CPPED1: variants seen among roughly 807,000 people sequenced by gnomAD.
CPPED1 encodes calcineurin like phosphoesterase domain containing 1.
In CPPED1, 28 loss-of-function variants were observed where a neutral mutation model predicts 28.0. The observed-to-expected ratio is 1.00, with a 90% CI of 0.74 to 1.37. The LOEUF (loss-of-function observed/expected upper bound fraction) is 1.37, where lower values mean the gene tolerates loss of function less well. Among genes scored for constraint, CPPED1 ranks in the 40% most tolerant of loss-of-function variants. The pLI, the probability that CPPED1 is intolerant of heterozygous loss-of-function variation, is 0.00. For missense variants in CPPED1, 504 were observed against 416.5 expected (o/e 1.21, Z -1.83); for synonymous variants, 198 against 180.2 (o/e 1.10, Z -0.79).
intron 2 of CPPED1, among the ~76,000 whole-genome samples, chr16:12,737,883 G>A (rs1208099950): frequency 6.6e-6 from 1 of 152,174 alleles, no homozygotes; most frequent in Non-Finnish European, 1.5e-5. Context: ...TGTGTCAGGG[G>A]ACCCCTGCCT....
Position 12,754,787 on chromosome 16 carries a change from C to T in CPPED1, c.289+26398G>A, listed in dbSNP as rs992609372. 3.9e-5 allele frequency among the ~76,000 whole-genome samples: 6 copies of T among 152,076 alleles called. 1 individual carries two copies. The South Asian group carries it at 8.3e-4, about 21-fold the overall frequency. On this transcript the variant is annotated intron_variant, in intron 2 of 3. Transcript: ENST00000381774. ...GCCAAGGCGGGAGGATCACCTGAAA[C>T]CAGGAGTTCGAGACCAGCCTGGGCG...
chr16:12,737,491 G>C (rs1385718845), intron 2 of CPPED1, among the ~76,000 whole-genome samples: 1 of 152,208 alleles, frequency 6.6e-6, no homozygotes, highest in African/African-American at 2.4e-5. Flanking sequence ...TCCCATGCAG[G>C]GACCTGTCTG....
At chr16:12,689,245 G>C (rs62030661) in intron 3 of CPPED1, among the ~76,000 whole-genome samples, 1 of 75,700 alleles carries the variant, frequency 1.3e-5, no homozygotes, top group Non-Finnish European at 2.4e-5. Flanking sequence ...TTTTTTTAAA[G>C]ACACAGGGTC....
rs574981718 is a variant in CPPED1, at chr16:12,706,426, C to T, written c.290-1377G>A. ...AAAATTGCAATTACTTTTGCACCAA[C>T]CTAAATACTTTCTTTCTTTCCCTGC... is the stretch of plus-strand genomic sequence containing the variant. On this transcript the variant is annotated intron_variant, in intron 2 of 3. Coordinates refer to ENST00000381774, the MANE Select transcript of CPPED1 (RefSeq NM_018340.3). 5.3e-5 allele frequency among the ~76,000 whole-genome samples: 8 copies of T among 150,380 alleles called. No homozygotes were observed. In the East Asian group the frequency reaches 1.6e-3, roughly 30 times the overall value.
intron 2 of CPPED1, 127 bp from the exon 3 acceptor site, chr16:12,705,176 G>T: frequency 7.8e-6 from 8 of 1,028,092 alleles, no homozygotes; most frequent in Non-Finnish European, 1.1e-5. Flanking sequence ...CCTAGCACAT[G>T]GAAACTGCAA....
chr16:12,672,428 C>T (rs554315638), intron 3 of CPPED1, among the ~76,000 whole-genome samples: 15 of 152,264 alleles, frequency 9.9e-5, no homozygotes, highest in Admixed American at 3.9e-4. Flanking sequence ...TGACATTATG[C>T]GCATTTTTTA....
chr16:12,672,951 T>C (rs549661859), intron 3 of CPPED1, among the ~76,000 whole-genome samples: 16 of 151,926 alleles, frequency 1.1e-4, no homozygotes, highest in Non-Finnish European at 1.9e-4. Context: ...GAGGCGGAGG[T>C]TGCAGTGAGC....
intron 3 of CPPED1, among the ~76,000 whole-genome samples, chr16:12,688,496 A>C (rs1467966952): frequency 6.6e-6 from 1 of 151,800 alleles, no homozygotes; most frequent in Admixed American, 6.6e-5. Flanking sequence ...CCGCCACCAC[A>C]CCTGGCTAAC....
Position 12,682,830 on chromosome 16 carries a change from ATGGC to A in CPPED1, c.716-17719_716-17716del, listed in dbSNP as rs2079912584. 6.6e-6 allele frequency among the ~76,000 whole-genome samples: 1 copy of A among 152,096 alleles called. No individual in the cohort carries two copies. The highest frequency in any genetic ancestry group is 2.1e-4 in the South Asian group (1 of 4,834). On this transcript the variant is annotated intron_variant, in intron 3 of 3. Coordinates refer to ENST00000381774, the MANE Select transcript of CPPED1 (RefSeq NM_018340.3). This position sits in a 1 kb window ranked among gnomAD's most constrained non-coding sequence, Gnocchi z 6.1. The stretch of plus-strand genomic sequence containing the variant: ...ATTTCCTCTTTATTTTTAAAAGAAG[ATGGC>A]AGCTTGCGTGTGAAATGGAGCGTGG...
intron 2 of CPPED1, among the ~76,000 whole-genome samples, chr16:12,750,315 C>T (rs944589254): frequency 6.6e-6 from 1 of 152,194 alleles, no homozygotes; most frequent in South Asian, 2.1e-4. Context: ...TCTCACTAAG[C>T]TTAATCATTT....
chr16:12,689,216 GCT>G (rs2079949276), intron 3 of CPPED1, among the ~76,000 whole-genome samples: 1 of 118,618 alleles, frequency 8.4e-6, no homozygotes, highest in Non-Finnish European at 1.6e-5. Context: ...TGAAAAGAGG[GCT>G]TTTTTTTTTT....
At chr16:12,766,935 G>C (rs1302629285) in intron 2 of CPPED1, among the ~76,000 whole-genome samples, 1 of 152,076 alleles carries the variant, frequency 6.6e-6, no homozygotes, top group East Asian at 1.9e-4. Flanking sequence ...GCATTCCCAG[G>C]TGGGAGCAGA....
intron 3 of CPPED1, among the ~76,000 whole-genome samples, chr16:12,666,403 T>C (rs943438012): frequency 6.6e-6 from 1 of 152,206 alleles, no homozygotes. Context: ...AAATAAAGCC[T>C]GGCTCCCTGC....
chr16:12,691,400 C>G (rs1439570318), intron 3 of CPPED1, among the ~76,000 whole-genome samples: 1 of 152,188 alleles, frequency 6.6e-6, no homozygotes, highest in Non-Finnish European at 1.5e-5. Flanking sequence ...CTCAGCCTCT[C>G]AAGTAGCTAG....
chr16:12,676,535 T>G (rs1170444991), intron 3 of CPPED1, among the ~76,000 whole-genome samples: 1 of 152,270 alleles, frequency 6.6e-6, no homozygotes, highest in South Asian at 2.1e-4. Context: ...GTGACTTGCC[T>G]GGATTCACAT....
chr16:12,744,325 C>G (rs1210860510), intron 2 of CPPED1, among the ~76,000 whole-genome samples: 2 of 151,882 alleles, frequency 1.3e-5, no homozygotes, highest in Non-Finnish European at 2.9e-5. Flanking sequence ...AGCAAGCAAG[C>G]AAGCAAGCAA....
At chr16:12,748,576 C>A (rs371240981) in intron 2 of CPPED1, among the ~76,000 whole-genome samples, 47 of 152,212 alleles carry the variant, frequency 3.1e-4, no homozygotes, top group African/African-American at 1.1e-3. Flanking sequence ...ATTTACACTC[C>A]GCTGTAGTCT....
chr16:12,796,754 C>A (rs1361777876), intron 1 of CPPED1, among the ~76,000 whole-genome samples: 2 of 152,120 alleles, frequency 1.3e-5, no homozygotes, highest in East Asian at 3.9e-4. Flanking sequence ...GAACAAATAC[C>A]CTTAAGAAGA....
At chr16:12,684,154 C>A (rs1311228251) in intron 3 of CPPED1, among the ~76,000 whole-genome samples, 3 of 152,202 alleles carry the variant, frequency 2.0e-5, no homozygotes, top group Non-Finnish European at 1.5e-5. Context: ...CTGAACAAAA[C>A]CTGCTCTGTT....
Sources: allele counts gnomAD v4.1 joint callset (sites outside exome capture counted in the v4.1 genomes callset), GRCh38; gene constraint gnomAD v4.1.1; non-coding constraint Gnocchi (gnomAD v3.1); transcripts MANE v1.5; gene names NCBI Gene and HGNC (gene_info 2026-07-23, HGNC 2026-07-21).